The following AP2B1 variants were observed in gnomAD, a reference collection of about 807,000 sequenced individuals.
The protein encoded by AP2B1 is AP-2 complex subunit beta.
A neutral mutation model predicts 102.0 loss-of-function variants in AP2B1; 23 were observed. The observed-to-expected ratio is 0.23, with a 90% CI of 0.16 to 0.32. AP2B1 has a LOEUF of 0.32. Ranked by LOEUF, AP2B1 falls within the 10% of genes least tolerant of loss-of-function variation. AP2B1 has a pLI of 1.00. For synonymous variants in AP2B1, 381 were observed against 421.2 expected, an observed-to-expected ratio of 0.90 and a Z score of 1.17; for missense variants, 541 against 1,157.4, an observed-to-expected ratio of 0.47 and a Z score of 7.73.
At chr17:35,664,908 T>A (rs1358628366) in intron 14 of AP2B1, among the ~76,000 whole-genome samples, 1 of 152,120 alleles carries the variant, frequency 6.6e-6, no homozygotes, top group Non-Finnish European at 1.5e-5. Flanking sequence ...TTGTCTTACA[T>A]CAGGAAGTAA....
intron 13 of AP2B1, among the ~76,000 whole-genome samples, chr17:35,652,168 A>G (rs1325910856): frequency 6.6e-6 from 1 of 152,106 alleles, no homozygotes; most frequent in Non-Finnish European, 1.5e-5. Flanking sequence ...TATCTTCACA[A>G]TTTCTTTTGT....
intron 14 of AP2B1, 120 bp from the exon 15 acceptor site, chr17:35,670,737 A>G (rs9914730): frequency 0.044 from 44,304 of 998,362 alleles, 1,936 homozygotes; most frequent in East Asian, 0.17. Flanking sequence ...TTGGGAGACA[A>G]GTTGAATGGC....
chr17:35,686,908 C>T (rs1052802597), intron 18 of AP2B1, among the ~76,000 whole-genome samples: 1 of 152,058 alleles, frequency 6.6e-6, no homozygotes. Flanking sequence ...ACCCGGGAGG[C>T]GGAGCTTGCA....
At chr17:35,713,805 G>A (rs2076498387) in intron 20 of AP2B1, 1 of 152,202 alleles carries the variant, frequency 6.6e-6, no homozygotes. Context: ...AGTGTATGGT[G>A]GGAGTGCTTA....
At chr17:35,598,099 T>C in intron 2 of AP2B1, 131 bp from the exon 3 acceptor site, 1 of 411,204 alleles carries the variant, frequency 2.4e-6, no homozygotes, top group Non-Finnish European at 4.4e-6. Context: ...TTGAATTTTA[T>C]ATATTCTATA....
intron 18 of AP2B1, among the ~76,000 whole-genome samples, chr17:35,705,077 G>A (rs1361446715): frequency 6.6e-6 from 1 of 152,110 alleles, no homozygotes; most frequent in Non-Finnish European, 1.5e-5. Context: ...GTACAAAGCT[G>A]TGACTTTCAG....
chr17:35,630,501 A>G (rs1345309413), intron 9 of AP2B1, among the ~76,000 whole-genome samples: 1 of 152,172 alleles, frequency 6.6e-6, no homozygotes, highest in African/African-American at 2.4e-5. Flanking sequence ...TGTTCTCTTC[A>G]CTAGTGTACA....
chr17:35,587,946 C>G (rs1257769614), intron 1 of AP2B1: 2 of 152,106 alleles, frequency 1.3e-5, no homozygotes, highest in African/African-American at 2.4e-5. Flanking sequence ...TCGCTAGAAT[C>G]TTGACCACCT....
rs142181139 is a variant in AP2B1 at position 35,629,054 on chromosome 17, C to G, written c.1155+1328C>G. 1.4e-3 allele frequency among the ~76,000 whole-genome samples: 220 copies of G among 151,986 alleles called. 2 individuals carry two copies. The highest frequency in any genetic ancestry group is 5.1e-3 in the African/African-American group (213 of 41,456). ...ACCTCTGCCTCCCGGGCTCAAGCGA[C>G]TCTTATGCCTCAGCCTCCTGAGTAG... is the stretch of plus-strand genomic sequence containing the variant. On this transcript the variant is annotated intron_variant, in intron 9 of 21. Transcript: ENST00000610402.
At chr17:35,596,869 G>T in intron 2 of AP2B1, 1 of 691,150 alleles carries the variant, frequency 1.4e-6, no homozygotes. Flanking sequence ...GCAGGAAGAA[G>T]CCATATGCTG....
chr17:35,693,983 G>A (rs1364311371), intron 18 of AP2B1, among the ~76,000 whole-genome samples: 10 of 152,152 alleles, frequency 6.6e-5, no homozygotes, highest in Non-Finnish European at 1.5e-4. Flanking sequence ...TTTTTATCTT[G>A]CAGCTAACTA....
rs569701571 is a variant in AP2B1, at chr17:35,627,245, C to CTTTTTTTTT, written c.939-124_939-116dup. ...TAGAGGCGTATAGAGGAAGTTTATG[C>CTTTTTTTTT]TTTTTTTTTTTTTTTTTTTTTTTTG... On this transcript the variant is annotated intron_variant, in intron 7 of 21. Coordinates refer to ENST00000610402, the MANE Select transcript of AP2B1 (RefSeq NM_001030006.2). 61 of 178,476 alleles carry CTTTTTTTTT rather than the reference C, an allele frequency of 3.4e-4. 4 individuals are homozygous for CTTTTTTTTT. The highest frequency in any genetic ancestry group is 8.1e-4 in the East Asian group (6 of 7,430). The allele number at this position is 178,476 out of a possible 1,614,324, so 11.1% of individuals were successfully genotyped here. A position where few individuals can be genotyped will look rare whatever the true frequency, so the allele number is the denominator to read the frequency against.
rs2085516479 is a variant in AP2B1 at position 35,726,355 on chromosome 17, TG to T, written c.*2661del. The T allele has an allele frequency of 8.8e-6, 1 of 113,090 alleles. No homozygotes were observed. The highest frequency in any genetic ancestry group is 1.8e-5 in the Non-Finnish European group (1 of 55,108). 7.0% of individuals were successfully genotyped at this position (113,090 alleles called of 1,614,324 possible). On this transcript the variant is annotated 3_prime_UTR_variant, in exon 22 of 22. Coordinates refer to ENST00000610402, the MANE Select transcript of AP2B1 (RefSeq NM_001030006.2). ...TATTGGGTCCTGTTTTTCGGGAGGG[TG>T]GGGGTTGGGGGAAGCTTGACCTTGT... is the stretch of plus-strand genomic sequence containing the variant.
intron 10 of AP2B1, among the ~76,000 whole-genome samples, chr17:35,638,760 G>A (rs1222404022): frequency 7.0e-6 from 1 of 142,740 alleles, no homozygotes; most frequent in Admixed American, 7.4e-5. Context: ...CTGCACTCCA[G>A]CCTGGGCGAC....
At chr17:35,672,158 T>G (rs1051314317) in intron 16 of AP2B1, among the ~76,000 whole-genome samples, 1 of 152,208 alleles carries the variant, frequency 6.6e-6, no homozygotes, top group African/African-American at 2.4e-5. Flanking sequence ...TTAGAAATAT[T>G]GTCTAGTTTG....
intron 14 of AP2B1, among the ~76,000 whole-genome samples, chr17:35,668,001 G>T (rs1175029047): frequency 7.3e-6 from 1 of 137,378 alleles, no homozygotes; most frequent in Non-Finnish European, 1.5e-5. Context: ...GCAATGGCAT[G>T]ATCTCGGCTC....
intron 17 of AP2B1, among the ~76,000 whole-genome samples, chr17:35,674,991 C>G (rs748054959): frequency 6.6e-6 from 1 of 152,256 alleles, no homozygotes; most frequent in South Asian, 2.1e-4. Flanking sequence ...GAGTAGTGAA[C>G]CAAACAAAGC....
At position 35,726,111 on chromosome 17, in the gene AP2B1, C is replaced by G. The variant is rs1429906993; in HGVS notation, c.*2412C>G. ...ATGGAGGTTGCCCTGCATCCCCCCT[C>G]CTCTGCCTGAGTGTGTCTTTGTAAT... is the stretch of plus-strand genomic sequence containing the variant. On this transcript the variant is annotated 3_prime_UTR_variant, in exon 22 of 22. Coordinates refer to ENST00000610402, the MANE Select transcript of AP2B1 (RefSeq NM_001030006.2). The G allele has an allele frequency of 6.6e-6, 1 of 152,214 alleles. No homozygotes were observed. Among genetic ancestry groups the G allele is most frequent in the Non-Finnish European group, 1.5e-5 (1 of 68,046 alleles). 9.4% of individuals were successfully genotyped at this position (152,214 alleles called of 1,614,324 possible). A position where few individuals can be genotyped will look rare whatever the true frequency, so the allele number is the denominator to read the frequency against.
intron 14 of AP2B1, among the ~76,000 whole-genome samples, chr17:35,659,082 T>C (rs1023225058): frequency 6.6e-6 from 1 of 152,234 alleles, no homozygotes; most frequent in East Asian, 1.9e-4. Flanking sequence ...AGCTTCCTCA[T>C]ATGATCATTC....
Sources: gnomAD v4.1 joint callset for allele counts (sites outside exome capture counted in the v4.1 genomes callset) on GRCh38, gnomAD v4.1.1 for gene constraint, MANE v1.5 for transcripts, NCBI Gene and HGNC (gene_info 2026-07-23, HGNC 2026-07-21) for gene names.